The following COL22A1 variants were observed in gnomAD, a reference collection of about 807,000 sequenced individuals.
The protein encoded by COL22A1 is collagen alpha-1(XXII) chain.
In COL22A1, 221 loss-of-function variants were observed where a neutral mutation model predicts 248.9. That is an observed-to-expected ratio of 0.89 (90% CI 0.80 to 0.99). The LOEUF (loss-of-function observed/expected upper bound fraction) is 0.99, where lower values mean the gene tolerates loss of function less well. COL22A1 is among the 50% of genes least tolerant of loss of function. The pLI, the probability that COL22A1 is intolerant of heterozygous loss-of-function variation, is 0.00. For missense variants in COL22A1, 2,240 were observed against 2,179.0 expected, an observed-to-expected ratio of 1.03 and a Z score of -0.56; for synonymous variants, 891 against 793.4, an observed-to-expected ratio of 1.12 and a Z score of -2.07.
At chr8:138,723,538 G>C (rs556010828) in intron 25 of COL22A1, among the ~76,000 whole-genome samples, 1 of 152,112 alleles carries the variant, frequency 6.6e-6, no homozygotes, top group Non-Finnish European at 1.5e-5. Flanking sequence ...TGTTCACACC[G>C]ATCTGCATAC....
chr8:138,846,747 A>G (rs1586879591), intron 3 of COL22A1, among the ~76,000 whole-genome samples: 1 of 152,194 alleles, frequency 6.6e-6, no homozygotes, highest in African/African-American at 2.4e-5. Context: ...ATCTTGGAGA[A>G]TGATCTGTTT....
At chr8:138,612,182 C>T (rs1250885620) in intron 56 of COL22A1, among the ~76,000 whole-genome samples, 21 of 152,268 alleles carry the variant, frequency 1.4e-4, no homozygotes, top group African/African-American at 2.4e-5. Context: ...AGGGAATTTT[C>T]TTGTTACTTT....
At chr8:138,811,999 G>A (rs1350016846) in intron 8 of COL22A1, 78 bp from the exon 9 acceptor site, 2 of 1,447,938 alleles carry the variant, frequency 1.4e-6, no homozygotes. Flanking sequence ...AGTGTCGGGT[G>A]CTTCCTCAGA....
At chr8:138,773,310 C>A (rs1033018969) in intron 16 of COL22A1, among the ~76,000 whole-genome samples, 48 of 152,190 alleles carry the variant, frequency 3.2e-4, no homozygotes, top group Non-Finnish European at 5.9e-4. Context: ...TGGCTGCCCC[C>A]CGAGGGACCA....
intron 3 of COL22A1, among the ~76,000 whole-genome samples, chr8:138,863,435 T>G (rs533367344): frequency 2.0e-5 from 3 of 152,242 alleles, no homozygotes; most frequent in African/African-American, 7.2e-5. Context: ...ATGAGCTGAC[T>G]TCCAGCCTGG....
intron 6 of COL22A1, among the ~76,000 whole-genome samples, 193 bp downstream of exon 6, chr8:138,826,465 G>C (rs1218741351): frequency 6.6e-6 from 1 of 152,154 alleles, no homozygotes; most frequent in East Asian, 1.9e-4. Context: ...ATTATCATTA[G>C]GACAAGAAGC....
intron 1 of COL22A1, among the ~76,000 whole-genome samples, chr8:138,887,796 C>T (rs191229997): frequency 1.3e-5 from 2 of 152,290 alleles, no homozygotes; most frequent in Admixed American, 6.5e-5. Flanking sequence ...AATCCTGACT[C>T]GTATTGCCAA....
intron 1 of COL22A1, among the ~76,000 whole-genome samples, chr8:138,900,180 T>G (rs1293182050): frequency 1.3e-5 from 2 of 152,212 alleles, no homozygotes; most frequent in African/African-American, 4.8e-5. Flanking sequence ...TGATCCTAGA[T>G]TCTGTGCTCT....
intron 4 of COL22A1, among the ~76,000 whole-genome samples, chr8:138,833,536 CGG>C (rs1820210996): frequency 6.6e-6 from 1 of 152,204 alleles, no homozygotes; most frequent in Non-Finnish European, 1.5e-5. Flanking sequence ...CGGCCACTCA[CGG>C]CTTTCCTTCC....
intron 58 of COL22A1, among the ~76,000 whole-genome samples, 200 bp from the exon 59 acceptor site, chr8:138,604,969 A>G (rs1027233779): frequency 1.3e-5 from 2 of 152,132 alleles, no homozygotes; most frequent in Admixed American, 1.3e-4. Context: ...CCAGGTTAGG[A>G]AGAAGAGCCA....
intron 3 of COL22A1, among the ~76,000 whole-genome samples, chr8:138,870,212 TTGTA>T (rs1291903257): frequency 1.3e-5 from 2 of 151,716 alleles, no homozygotes; most frequent in Admixed American, 6.6e-5. Context: ...GCTGTGTACA[TTGTA>T]TGTATGTAGG....
At chr8:138,788,130 A>G (rs933908551) in intron 12 of COL22A1, among the ~76,000 whole-genome samples, 3 of 152,188 alleles carry the variant, frequency 2.0e-5, no homozygotes, top group African/African-American at 7.2e-5. Flanking sequence ...GGCCAGCTGC[A>G]TCAACCTCAC....
chr8:138,750,151 G>T (rs969316642), intron 22 of COL22A1, among the ~76,000 whole-genome samples: 3 of 152,150 alleles, frequency 2.0e-5, no homozygotes, highest in African/African-American at 7.2e-5. Flanking sequence ...TGCCATGATT[G>T]TGGGACCTCC....
At chr8:138,756,901 A>G (rs1833050850) in intron 18 of COL22A1, among the ~76,000 whole-genome samples, 1 of 152,146 alleles carries the variant, frequency 6.6e-6, no homozygotes. Context: ...ATCCCGATCC[A>G]TCATGTTTTA....
rs758961090 is a variant in COL22A1, at chr8:138,589,294, C to T, written c.4840G>A (p.Ala1614Thr). The T allele has an allele frequency of 6.2e-6, 10 of 1,613,722 alleles. No homozygotes were observed. The highest frequency in any genetic ancestry group is 4.4e-5 in the South Asian group (4 of 91,064). The change falls in exon 65 of 65, where the codon GCC becomes ACC. Residue 1614 changes from alanine to threonine, a missense_variant. Ala to Thr is a moderately conservative substitution (Grantham distance 58). Coordinates refer to ENST00000303045, the MANE Select transcript of COL22A1 (RefSeq NM_152888.3). Reference sequence around the variant, plus strand: ...TTACCCGGCCGGGCAGCAAGGCTGGCGAAGTAGGCACACTGGGAAGGGTCA... The same window carrying T: ...TTACCCGGCCGGGCAGCAAGGCTGGTGAAGTAGGCACACTGGGAAGGGTCA... ...QCDPSQCAYF[A>T]SLAARPGNVK...
chr8:138,810,639 G>A (rs1016116853), intron 9 of COL22A1, among the ~76,000 whole-genome samples: 2 of 152,176 alleles, frequency 1.3e-5, no homozygotes, highest in Non-Finnish European at 2.9e-5. Context: ...GCCAGAGTTC[G>A]ATGTCCGAAT....
chr8:138,730,007 G>A (rs1830592561), intron 23 of COL22A1, among the ~76,000 whole-genome samples: 1 of 152,182 alleles, frequency 6.6e-6, no homozygotes, highest in African/African-American at 2.4e-5. Flanking sequence ...ACCTGGACGT[G>A]AGGGCCTTTC....
intron 56 of COL22A1, among the ~76,000 whole-genome samples, chr8:138,611,084 G>C (rs906307349): frequency 2.0e-5 from 3 of 152,140 alleles, no homozygotes; most frequent in African/African-American, 7.2e-5. Flanking sequence ...AAGTCACTTC[G>C]CTTTCCCTCT....
At chr8:138,870,434 T>C (rs953498813) in intron 3 of COL22A1, among the ~76,000 whole-genome samples, 2 of 151,298 alleles carry the variant, frequency 1.3e-5, no homozygotes, top group Non-Finnish European at 3.0e-5. Context: ...GTGCTATATG[T>C]AGTGTGCAGT....
Sources: allele counts gnomAD v4.1 joint callset (sites outside exome capture counted in the v4.1 genomes callset), GRCh38; gene constraint gnomAD v4.1.1; transcripts MANE v1.5; gene names NCBI Gene and HGNC (gene_info 2026-07-23, HGNC 2026-07-21).